The following PRKN variants were observed in gnomAD, a reference collection of about 807,000 sequenced individuals.
PRKN encodes the protein parkin RBR E3 ubiquitin protein ligase.
Under a neutral mutation model 59.5 loss-of-function variants are expected in PRKN, and 56 were observed. That is an observed-to-expected ratio of 0.94 (90% CI 0.76 to 1.18). The LOEUF is 1.18. Among genes scored for constraint, PRKN ranks in the 50% most tolerant of loss-of-function variants. The probability of loss-of-function intolerance (pLI) is 0.00; values close to 1 mark genes in which losing one functional copy is unlikely to be tolerated. For synonymous variants in PRKN, 250 were observed against 222.1 expected (o/e 1.13, Z -1.12); for missense variants, 657 against 596.4 (o/e 1.10, Z -1.06).
At chr6:162,699,771 GTC>G (rs1343419004) in intron 1 of PRKN, among the ~76,000 whole-genome samples, 1 of 152,006 alleles carries the variant, frequency 6.6e-6, no homozygotes, top group Non-Finnish European at 1.5e-5. Flanking sequence ...TCCTCTCCCG[GTC>G]TCTCAATCAT....
chr6:161,401,361 A>G lies in PRKN; in HGVS notation c.1084-14484T>C, dbSNP rs949605464. ...CATGGTGGCTCACATCTGTAATCCC[A>G]GCACTTTGGGAAGCCAAGGTGGGCA... On this transcript the variant is annotated intron_variant, in intron 9 of 11. Transcript: ENST00000366898. This position sits in a 1 kb window ranked among gnomAD's most constrained non-coding sequence, Gnocchi z 4.4. 1.3e-5 allele frequency among the ~76,000 whole-genome samples: 2 copies of G among 152,188 alleles called. No homozygotes were observed.
intron 4 of PRKN, among the ~76,000 whole-genome samples, chr6:162,131,679 G>A (rs918908105): frequency 6.6e-6 from 1 of 152,180 alleles, no homozygotes; most frequent in Non-Finnish European, 1.5e-5. Flanking sequence ...GCCAGTAGGT[G>A]TAAATATATG....
At chr6:161,389,187 A>T (rs147603166) in intron 9 of PRKN, among the ~76,000 whole-genome samples, 1 of 152,212 alleles carries the variant, frequency 6.6e-6, no homozygotes, top group Non-Finnish European at 1.5e-5. Flanking sequence ...AATGGCTTTT[A>T]CTCAACACTA....
At chr6:162,237,782 G>A (rs2128089668) in intron 3 of PRKN, among the ~76,000 whole-genome samples, 1 of 148,572 alleles carries the variant, frequency 6.7e-6, no homozygotes, top group East Asian at 2.0e-4. Flanking sequence ...TTTAATATCA[G>A]ATATTTGGTT....
intron 1 of PRKN, among the ~76,000 whole-genome samples, chr6:162,637,288 A>G (rs1777762278): frequency 2.0e-5 from 2 of 98,248 alleles, no homozygotes; most frequent in Admixed American, 2.5e-4. Context: ...CCCCCCCAAA[A>G]AAAAGCAGCA....
intron 7 of PRKN, among the ~76,000 whole-genome samples, chr6:161,629,328 G>C (rs1391480080): frequency 6.6e-6 from 1 of 152,122 alleles, no homozygotes; most frequent in Non-Finnish European, 1.5e-5. Flanking sequence ...AGAAGCAAGG[G>C]AGGAGGTACT....
chr6:162,535,199 G>T (rs1324248575), intron 1 of PRKN, among the ~76,000 whole-genome samples: 2 of 152,126 alleles, frequency 1.3e-5, no homozygotes, highest in Non-Finnish European at 2.9e-5. Context: ...CACTTGCTCG[G>T]TCTTTCTGCA....
intron 6 of PRKN, among the ~76,000 whole-genome samples, chr6:161,918,122 A>G (rs1164349434): frequency 1.3e-5 from 2 of 152,224 alleles, no homozygotes; most frequent in Non-Finnish European, 2.9e-5. Flanking sequence ...AGTAGATACC[A>G]GTCCCCTGCT....
At chr6:162,569,102 G>T in intron 1 of PRKN, 1 of 663,750 alleles carries the variant, frequency 1.5e-6, no homozygotes, top group Non-Finnish European at 2.8e-6. Context: ...TGAGGTCAAG[G>T]CGTAGTATGA....
At chr6:161,625,357 G>A (rs1023768439) in intron 7 of PRKN, among the ~76,000 whole-genome samples, 1 of 138,800 alleles carries the variant, frequency 7.2e-6, no homozygotes, top group Admixed American at 8.0e-5. Flanking sequence ...GGTGGGAGTT[G>A]AACAATGAGA....
At chr6:162,017,338 T>C (rs1246331071) in intron 5 of PRKN, among the ~76,000 whole-genome samples, 3 of 152,160 alleles carry the variant, frequency 2.0e-5, no homozygotes, top group African/African-American at 7.2e-5. Flanking sequence ...CATGTTACAA[T>C]GAGGAAAATG....
At chr6:162,567,749 G>C (rs1258385047) in intron 1 of PRKN, among the ~76,000 whole-genome samples, 1 of 152,100 alleles carries the variant, frequency 6.6e-6, no homozygotes, top group African/African-American at 2.4e-5. Context: ...ATTCTTCTGG[G>C]AAATAGAAAA....
intron 1 of PRKN, among the ~76,000 whole-genome samples, chr6:162,532,530 T>A (rs1451159574): frequency 2.0e-5 from 3 of 152,220 alleles, no homozygotes; most frequent in African/African-American, 7.2e-5. Context: ...GAAAGCTCAA[T>A]GGCTCAAGAT....
intron 6 of PRKN, among the ~76,000 whole-genome samples, chr6:161,954,494 T>C (rs1486961624): frequency 6.6e-6 from 1 of 152,212 alleles, no homozygotes; most frequent in Non-Finnish European, 1.5e-5. Context: ...AACTTAAAAT[T>C]ACCAAATAGC....
At chr6:161,350,349 T>A in intron 11 of PRKN, 138 bp from the exon 12 acceptor site, 1 of 660,714 alleles carries the variant, frequency 1.5e-6, no homozygotes, top group South Asian at 1.7e-5. Flanking sequence ...GAGAGAAACT[T>A]AACTGAGGGG....
At chr6:161,680,222 T>G (rs1785266264) in intron 7 of PRKN, among the ~76,000 whole-genome samples, 1 of 152,198 alleles carries the variant, frequency 6.6e-6, no homozygotes, top group African/African-American at 2.4e-5. Context: ...TCTCCTTAAT[T>G]AGAGCACTTG....
Position 161,619,897 on chromosome 6 carries a change from A to G in PRKN, c.872-50481T>C, listed in dbSNP as rs1795851218. ...TTTTGGATGTATTAGGTTATATAAA[A>G]TATATTATTAAAATTAACTTCACCT... On this transcript the variant is annotated intron_variant, in intron 7 of 11. Transcript: ENST00000366898. Among the ~76,000 whole-genome samples the G allele has an allele frequency of 3.9e-5, 6 of 152,046 alleles. No individual in the cohort carries two copies. The South Asian group carries it at 1.2e-3, about 32-fold the overall frequency.
chr6:162,181,099 G>A (rs1583162196), intron 4 of PRKN, among the ~76,000 whole-genome samples: 2 of 152,190 alleles, frequency 1.3e-5, no homozygotes, highest in South Asian at 4.1e-4. Context: ...AACAATACAA[G>A]CAAGTGAAGA....
chr6:161,644,296 A>G (rs1783846356), intron 7 of PRKN, among the ~76,000 whole-genome samples: 1 of 152,236 alleles, frequency 6.6e-6, no homozygotes, highest in Non-Finnish European at 1.5e-5. Context: ...CAGATTGATC[A>G]TCCATAAAAA....
Sources: allele counts gnomAD v4.1 joint callset (sites outside exome capture counted in the v4.1 genomes callset), GRCh38; gene constraint gnomAD v4.1.1; non-coding constraint Gnocchi (gnomAD v3.1); transcripts MANE v1.5; gene names NCBI Gene and HGNC (gene_info 2026-07-23, HGNC 2026-07-21).